HSD17B10: variants seen among roughly 807,000 people sequenced by gnomAD.
HSD17B10 encodes hydroxysteroid 17-beta dehydrogenase 10.
For missense variants in HSD17B10, 87 were observed against 219.4 expected (o/e 0.40, Z 3.81); for synonymous variants, 90 against 85.9 (o/e 1.05, Z -0.26).
At position 53,431,770 on chromosome X, in the gene HSD17B10, G is replaced by A. The variant is rs782197443; in HGVS notation, c.595+28C>T. ...GTCCATGGATCCCACCCAATCCCAG[G>A]TATGATGGAGAGAGGGGATATGTCT... On this transcript the variant is annotated intron_variant, in intron 5 of 5. Transcript: ENST00000168216. 2.6e-6 allele frequency: 3 copies of A among 1,148,658 alleles called. No individual in the cohort carries two copies. In the African/African-American group the frequency reaches 5.3e-5, roughly 20 times the overall value. The allele number at this position is 1,148,658 out of a possible 1,213,427, so 94.7% of individuals were successfully genotyped here.
rs2075826248 is a variant in HSD17B10, at chrX:53,431,889, G to A, written c.504C>T (p.Tyr168=). ...AFEGQVGQAA[Y]SASKGGIVGM... is the part of the protein sequence containing the mutation. ...CCACTATTCCCCCCTTGGAAGCAGA[G>A]TATGCAGCTTGTCCAACCTGGAGAA... The change falls in exon 5 of 6, where the codon TAC becomes TAT. Residue 168 remains tyrosine, a synonymous_variant. Transcript: ENST00000168216. The A allele has an allele frequency of 8.3e-7, 1 of 1,208,859 alleles. No individual in the cohort carries two copies. The highest frequency in any genetic ancestry group is 2.2e-5 in the Admixed American group (1 of 45,720).
rs782077284 is a variant in HSD17B10 at position 53,434,277 on chromosome X, C to G, written c.27+42G>C. ...TAGTTCCACGGCCGCGCTGTCCCGG[C>G]CCGTAAAGGAAGGCAAGCAACAGAG... On this transcript the variant is annotated intron_variant, in intron 1 of 5. Transcript: ENST00000168216. The G allele has an allele frequency of 2.8e-5, 32 of 1,155,883 alleles. No homozygotes were observed. The East Asian group carries it at 5.5e-4, about 20-fold the overall frequency.
chrX:53,431,389 C>T lies in HSD17B10; in HGVS notation c.*15G>A. On this transcript the variant is annotated 3_prime_UTR_variant, in exon 6 of 6. Transcript: ENST00000168216. ...GGAAGGGCAGAGGAGCGTGTGTTTT[C>T]TCTGCCTTCTCCCTTCAAGGCTGCA... The T allele has an allele frequency of 3.3e-6, 4 of 1,200,646 alleles. No homozygotes were observed. The highest frequency in any genetic ancestry group is 4.5e-6 in the Non-Finnish European group (4 of 885,602).
At position 53,434,275 on chromosome X, in the gene HSD17B10, G is replaced by A. The variant is rs1556895032; in HGVS notation, c.27+44C>T. 4 of 1,152,050 alleles carry A rather than the reference G, an allele frequency of 3.5e-6. No individual in the cohort carries two copies. The South Asian group carries it at 7.6e-5, about 22-fold the overall frequency. The allele number at this position is 1,152,050 out of a possible 1,213,427, so 94.9% of individuals were successfully genotyped here. A position where few individuals can be genotyped will look rare whatever the true frequency, so the allele number is the denominator to read the frequency against. ...CCTAGTTCCACGGCCGCGCTGTCCC[G>A]GCCCGTAAAGGAAGGCAAGCAACAG... On this transcript the variant is annotated intron_variant, in intron 1 of 5. Coordinates refer to ENST00000168216, the MANE Select transcript of HSD17B10 (RefSeq NM_004493.3).
At chrX:53,432,163 C>G (rs1281624551) in intron 3 of HSD17B10, 47 bp from the exon 4 acceptor site, 5 of 1,208,328 alleles carry the variant, frequency 4.1e-6, no homozygotes, top group African/African-American at 1.8e-5. Flanking sequence ...GCAGAAGAAG[C>G]CTTTGTCCCC....
rs1556894604 is a variant in HSD17B10, at chrX:53,432,077, C to T, written c.397G>A (p.Ala133Thr). The change falls in exon 4 of 6, where the codon GCT becomes ACT. Residue 133 changes from alanine (A) to threonine (T), a missense_variant. By Grantham distance (58) the Ala-to-Thr change is moderately conservative. Coordinates refer to ENST00000168216, the MANE Select transcript of HSD17B10 (RefSeq NM_004493.3). ...GGTTCATTCTGGCCCATCTCACCAG[C>T]CACCAGGCGGATCACATTGAAGGTG... ...MGTFNVIRLV[A>T]GEMGQNEPDQ... 1.7e-6 allele frequency: 2 copies of T among 1,211,644 alleles called. No homozygotes were observed. The highest frequency in any genetic ancestry group is 5.9e-5 in the East Asian group (2 of 33,856).
chrX:53,433,907 AGG>A (rs782725506), intron 1 of HSD17B10, 21 bp from the exon 2 acceptor site: 2 of 1,205,072 alleles, frequency 1.7e-6, no homozygotes, highest in Non-Finnish European at 2.2e-6. Flanking sequence ...GGACATGGTC[AGG>A]GTCAGCTGTT....
At chrX:53,431,749 A>C (rs1556894541) in intron 5 of HSD17B10, 49 bp downstream of exon 5, 1 of 1,111,118 alleles carries the variant, frequency 9.0e-7, no homozygotes. Context: ...TCAACTGTCC[A>C]TGGATCCCAC....
chrX:53,433,811 C>T lies in HSD17B10; in HGVS notation c.103G>A (p.Ala35Thr), dbSNP rs1556894927. 1 of 1,210,673 alleles carries T rather than the reference C, an allele frequency of 8.3e-7. No individual in the cohort carries two copies. The highest frequency in any genetic ancestry group is 2.2e-5 in the Admixed American group (1 of 46,134). ...GGCAGGTCCAGAAGCACAGCAGAGG[C>T]TCCCTGCCCCACAAGTCGCTCCGCC... ...ATAERLVGQGASAVLLDLPNS... is the reference protein window; with the variant it reads ...ATAERLVGQGTSAVLLDLPNS... Residue 35 changes from alanine (A) to threonine (T), a missense_variant, in exon 2 of 6, where the codon GCC becomes ACC. By Grantham distance (58) the Ala-to-Thr change is moderately conservative. Coordinates refer to ENST00000168216, the MANE Select transcript of HSD17B10 (RefSeq NM_004493.3).
At chrX:53,433,649 AC>A in intron 2 of HSD17B10, 72 bp downstream of exon 2, 2 of 1,015,718 alleles carry the variant, frequency 2.0e-6, no homozygotes, top group Non-Finnish European at 2.7e-6. Context: ...TATGGGAGGG[AC>A]CCCCACAGGT....
Position 53,434,333 on chromosome X carries a change from A to G in HSD17B10, c.13T>C (p.Cys5Arg), listed in dbSNP as rs781935025. The change falls in exon 1 of 6, where the codon TGT (cysteine) becomes CGT (arginine). Residue 5 changes from cysteine to arginine, a missense_variant. Cys to Arg is a radical substitution (Grantham distance 180, BLOSUM62 -3). Coordinates refer to ENST00000168216, the MANE Select transcript of HSD17B10 (RefSeq NM_004493.3). Reference sequence around the variant, plus strand: ...GAACCTTCTACCTTCACGCTCCGACACGCTGCTGCCATCTTGTCGCCGGCC... The same window carrying G: ...GAACCTTCTACCTTCACGCTCCGACGCGCTGCTGCCATCTTGTCGCCGGCC... MAAA[C>R]RSVKGLVAVI... is the part of the protein sequence containing the mutation. 96 of 1,167,182 alleles carry G rather than the reference A, an allele frequency of 8.2e-5. No homozygotes were observed. Among genetic ancestry groups the G allele is most frequent in the Non-Finnish European group, 1.0e-4 (91 of 873,156 alleles).
chrX:53,434,171 C>G, intron 1 of HSD17B10, 148 bp downstream of exon 1: 3 of 662,797 alleles, frequency 4.5e-6, no homozygotes, highest in Non-Finnish European at 4.8e-6. Flanking sequence ...GGAGTGCTGA[C>G]TTTCACCTCT....
intron 2 of HSD17B10, chrX:53,432,773 G>A (rs782727411): frequency 2.6e-4 from 67 of 258,450 alleles, no homozygotes; most frequent in Non-Finnish European, 3.8e-4. Context: ...GCTTGAACCC[G>A]GGAGGCAGAG....
Position 53,431,482 on chromosome X carries a change from G to A in HSD17B10, c.708C>T (p.Leu236=), listed in dbSNP as rs782783783. The A allele has an allele frequency of 3.3e-6, 4 of 1,208,222 alleles. No homozygotes were observed. Among genetic ancestry groups the A allele is most frequent in the African/African-American group, 1.8e-5 (1 of 57,010 alleles). ...RLGDPAEYAH[L]VQAIIENPFL... ...ATGGGTTCTCGATGATGGCCTGTAC[G>A]AGGTGAGCATACTCAGCAGGGTCAC... Residue 236 remains leucine, a synonymous_variant, in exon 6 of 6, where the codon CTC becomes CTT. Coordinates refer to ENST00000168216, the MANE Select transcript of HSD17B10 (RefSeq NM_004493.3).
chrX:53,434,323 A>G lies in HSD17B10; in HGVS notation c.23T>C (p.Val8Ala). The change falls in exon 1 of 6, where the codon GTG (valine) becomes GCG (alanine). Residue 8 changes from valine (V) to alanine (A), a missense_variant. Physicochemically the swap from Val to Ala is moderately conservative, Grantham distance 64. Transcript: ENST00000168216. ...CAGAGGCAAAGAACCTTCTACCTTC[A>G]CGCTCCGACACGCTGCTGCCATCTT... MAAACRSVKGLVAVITGG... is the reference protein window; with the variant it reads MAAACRSAKGLVAVITGG... The G allele has an allele frequency of 8.6e-7, 1 of 1,167,671 alleles. No homozygotes were observed. Among genetic ancestry groups the G allele is most frequent in the Non-Finnish European group, 1.1e-6 (1 of 872,940 alleles).
rs2146628065 is a variant in HSD17B10, at chrX:53,432,089, T to C, written c.385A>G (p.Ile129Val). The change falls in exon 4 of 6, where the codon ATC becomes GTC. Residue 129 changes from isoleucine (I) to valine (V), a missense_variant. By Grantham distance (29) the Ile-to-Val change is conservative (BLOSUM62 3). Coordinates refer to ENST00000168216, the MANE Select transcript of HSD17B10 (RefSeq NM_004493.3). ...DVNLMGTFNV[I>V]RLVAGEMGQN... The stretch of plus-strand genomic sequence containing the variant: ...CCCATCTCACCAGCCACCAGGCGGA[T>C]CACATTGAAGGTGCCCATGAGATTC... The C allele has an allele frequency of 8.3e-7, 1 of 1,211,502 alleles. No homozygotes were observed. The highest frequency in any genetic ancestry group is 1.1e-6 in the Non-Finnish European group (1 of 895,436).
At chrX:53,431,615 CAG>C (rs1438401222) in intron 5 of HSD17B10, 21 bp from the exon 6 acceptor site, 4 of 1,162,274 alleles carry the variant, frequency 3.4e-6, no homozygotes, top group Non-Finnish European at 1.2e-6. Context: ...TAGCCAAATT[CAG>C]AGACTCACCC....
At chrX:53,434,370 T>TG, upstream of HSD17B10, 3 of 1,166,183 alleles carry the variant, frequency 2.6e-6, no homozygotes, top group East Asian at 6.5e-5. Flanking sequence ...CTCCACGGGA[T>TG]GGGGATGGGG....
chrX:53,433,991 G>A (rs1219189719), intron 1 of HSD17B10, 105 bp from the exon 2 acceptor site: 8 of 937,120 alleles, frequency 8.5e-6, no homozygotes, highest in Admixed American at 2.6e-5. Context: ...GGGGAGGGGA[G>A]AGGTCGTGGT....
Sources: gnomAD v4.1 joint callset for allele counts on GRCh38, gnomAD v4.1.1 for gene constraint, MANE v1.5 for transcripts, NCBI Gene and HGNC (gene_info 2026-07-23, HGNC 2026-07-21) for gene names.